Variants in ITK observed in about 807,000 individuals in gnomAD.
ITK encodes tyrosine-protein kinase ITK/TSK.
ITK carries 45 observed loss-of-function variants against 87.6 expected under a neutral mutation model. That is an observed-to-expected ratio of 0.51 (90% CI 0.40 to 0.66). The LOEUF (loss-of-function observed/expected upper bound fraction) is 0.66. Ranked by LOEUF, ITK falls within the 30% of genes least tolerant of loss-of-function variation. ITK has a pLI of 0.00. For missense variants in ITK, 605 were observed against 766.3 expected (o/e 0.79, Z 2.48); for synonymous variants, 303 against 273.6 (o/e 1.11, Z -1.06).
chr5:157,222,852 C>G lies in ITK; in HGVS notation c.496-11C>G, dbSNP rs778092259. ...ATGTCTTTGCTTGGTTTTGTTGTCTCTCTTCCCCAGCGACCACTTTGGGAA... is the reference window on the plus strand; with the variant it reads ...ATGTCTTTGCTTGGTTTTGTTGTCTGTCTTCCCCAGCGACCACTTTGGGAA... On this transcript the variant is annotated splice_polypyrimidine_tract_variant and intron_variant, in intron 5 of 16. Transcript: ENST00000422843. 15 of 1,613,870 alleles carry G rather than the reference C, an allele frequency of 9.3e-6. No homozygotes were observed. In the South Asian group the frequency reaches 1.3e-4, roughly 14 times the overall value.
chr5:157,232,149 C>T (rs1754670296), intron 7 of ITK, among the ~76,000 whole-genome samples, 191 bp from the exon 8 acceptor site: 1 of 152,132 alleles, frequency 6.6e-6, no homozygotes, highest in African/African-American at 2.4e-5. Flanking sequence ...CATGCATTTG[C>T]TTTTGAGTTT....
At chr5:157,248,332 A>T (rs1755062400) in intron 15 of ITK, among the ~76,000 whole-genome samples, 1 of 152,216 alleles carries the variant, frequency 6.6e-6, no homozygotes, top group African/African-American at 2.4e-5. Flanking sequence ...CAAGCAAAAG[A>T]TGTGTTTTGC....
At chr5:157,218,787 G>A (rs1754353427) in intron 5 of ITK, among the ~76,000 whole-genome samples, 1 of 152,138 alleles carries the variant, frequency 6.6e-6, no homozygotes, top group South Asian at 2.1e-4. Flanking sequence ...TAACTCGAGT[G>A]GTGGTTCTCA....
rs1755212770 is a variant in ITK, at chr5:157,254,491, TCC to T, written c.*1815_*1816del. On this transcript the variant is annotated 3_prime_UTR_variant, in exon 17 of 17. Transcript: ENST00000422843. ...TTGAACACTTCATGAGGAGGGACAT[TCC>T]CTGATATAAGAGAGGATGGTGTTGC... 1 of 220,568 alleles carries T rather than the reference TCC, an allele frequency of 4.5e-6. No homozygotes were observed. Among genetic ancestry groups the T allele is most frequent in the South Asian group, 1.8e-4 (1 of 5,426 alleles). The allele number at this position is 220,568 out of a possible 1,614,324, so 13.7% of individuals were successfully genotyped here.
rs568259235 is a variant in ITK at position 157,218,020 on chromosome 5, G to T, written c.495+113G>T. 2.9e-5 allele frequency: 28 copies of T among 967,180 alleles called. No homozygotes were observed. The South Asian group carries it at 3.2e-4, about 11-fold the overall frequency. 59.9% of individuals were successfully genotyped at this position (967,180 alleles called of 1,614,324 possible). Reference sequence around the variant, plus strand: ...AGTTTTCAAACCCTGGCTGCATGCAGCAGGCTGTCATGATTCAGCAGAACT... The same window carrying T: ...AGTTTTCAAACCCTGGCTGCATGCATCAGGCTGTCATGATTCAGCAGAACT... On this transcript the variant is annotated intron_variant, in intron 5 of 16. Transcript: ENST00000422843.
At chr5:157,238,594 T>C (rs947886254) in intron 9 of ITK, among the ~76,000 whole-genome samples, 1 of 152,222 alleles carries the variant, frequency 6.6e-6, no homozygotes, top group African/African-American at 2.4e-5. Context: ...GTCTTTATTA[T>C]GTGCCAGAAA....
intron 5 of ITK, among the ~76,000 whole-genome samples, chr5:157,218,515 A>T (rs1224045661): frequency 6.8e-6 from 1 of 147,872 alleles, no homozygotes; most frequent in Non-Finnish European, 1.5e-5. Context: ...TCTCCAGAAA[A>T]AAAAAAAAAA....
At chr5:157,221,707 G>A (rs769627784) in intron 5 of ITK, among the ~76,000 whole-genome samples, 1 of 152,174 alleles carries the variant, frequency 6.6e-6, no homozygotes, top group Non-Finnish European at 1.5e-5. Flanking sequence ...GCAGTGGGAT[G>A]AATGCCATAG....
intron 8 of ITK, among the ~76,000 whole-genome samples, chr5:157,233,959 A>ATATATATATATATATATATATATATT (rs1754720266): frequency 3.5e-5 from 1 of 28,692 alleles, no homozygotes; most frequent in Non-Finnish European, 6.4e-5. Flanking sequence ...ATATATATAT[A>ATATATATATATATATATATATATATT]TATATTTTTT....
At chr5:157,185,968 CTG>C (rs574213018) in intron 1 of ITK, among the ~76,000 whole-genome samples, 44 of 152,210 alleles carry the variant, frequency 2.9e-4, no homozygotes, top group Non-Finnish European at 5.3e-4. Context: ...ATGTCCAACA[CTG>C]TGCAAAAATG....
intron 16 of ITK, among the ~76,000 whole-genome samples, chr5:157,252,164 A>T (rs1755151165): frequency 6.6e-6 from 1 of 152,116 alleles, no homozygotes. Context: ...GCTTTCTTTT[A>T]TTAGAATTTT....
intron 1 of ITK, among the ~76,000 whole-genome samples, chr5:157,183,798 ATG>A (rs1753589174): frequency 6.6e-6 from 1 of 152,156 alleles, no homozygotes; most frequent in South Asian, 2.1e-4. Flanking sequence ...GTGTAAAATT[ATG>A]ATTCTTGCAG....
At chr5:157,185,758 C>T (rs1011545252) in intron 1 of ITK, among the ~76,000 whole-genome samples, 1 of 151,734 alleles carries the variant, frequency 6.6e-6, no homozygotes, top group African/African-American at 2.4e-5. Context: ...GTGGGAGGAT[C>T]CCTTGAGCCC....
chr5:157,252,537 TG>T, intron 16 of ITK, 69 bp from the exon 17 acceptor site: 1 of 1,105,378 alleles, frequency 9.0e-7, no homozygotes, highest in Non-Finnish European at 1.4e-6. Flanking sequence ...TATTAAATTC[TG>T]GTTTGTTTTG....
intron 3 of ITK, chr5:157,213,778 A>C (rs1290843327): frequency 2.9e-6 from 1 of 350,808 alleles, no homozygotes; most frequent in African/African-American, 2.1e-5. Flanking sequence ...TAGAAGGGAG[A>C]AAACCAAAGT....
chr5:157,222,946 G>T lies in ITK; in HGVS notation c.579G>T (p.Arg193=). Residue 193 remains arginine (R), a synonymous_variant, in exon 6 of 17, where the codon CGG becomes CGT. Transcript: ENST00000422843. ...ATGATCCTCAGGAACTCGCACTGCG[G>T]CGCAACGAAGAGTACTGCCTGCTGG... The part of the protein sequence containing the change: ...QTNDPQELAL[R]RNEEYCLLDS... 6.2e-7 allele frequency: 1 copy of T among 1,614,118 alleles called. No individual in the cohort carries two copies. Among genetic ancestry groups the T allele is most frequent in the Non-Finnish European group, 8.5e-7 (1 of 1,180,020 alleles).
In ITK at chr5:157,253,395, TG is replaced by T. The variant is rs1755183841; in HGVS notation, c.*720del. 1 of 227,002 alleles carries T rather than the reference TG, an allele frequency of 4.4e-6. No individual in the cohort carries two copies. The highest frequency in any genetic ancestry group is 8.7e-6 in the Non-Finnish European group (1 of 114,294). The allele number at this position is 227,002 out of a possible 1,614,324, so 14.1% of individuals were successfully genotyped here. A position where few individuals can be genotyped will look rare whatever the true frequency, so the allele number is the denominator to read the frequency against. On this transcript the variant is annotated 3_prime_UTR_variant, in exon 17 of 17. Transcript: ENST00000422843. ...AGTTCAGGTCCCATGCTTGGAGCAT[TG>T]GGTATCTGATGTCTGCACCAGAACA...
At chr5:157,215,335 G>A (rs575350202) in intron 4 of ITK, among the ~76,000 whole-genome samples, 22 of 152,204 alleles carry the variant, frequency 1.4e-4, no homozygotes, top group Admixed American at 1.2e-3. Flanking sequence ...AACCCAAGGC[G>A]GATGTAACAC....
At chr5:157,237,283 A>G (rs766013055) in intron 8 of ITK, among the ~76,000 whole-genome samples, 2 of 152,236 alleles carry the variant, frequency 1.3e-5, no homozygotes, top group Non-Finnish European at 2.9e-5. Flanking sequence ...AAGTGAATTA[A>G]CACAAAAATG....
Sources: gnomAD v4.1 joint callset for allele counts (sites outside exome capture counted in the v4.1 genomes callset) on GRCh38, gnomAD v4.1.1 for gene constraint, MANE v1.5 for transcripts, NCBI Gene and HGNC (gene_info 2026-07-23, HGNC 2026-07-21) for gene names.